Variants in DCC observed in about 807,000 individuals in gnomAD.
The protein encoded by DCC is netrin receptor DCC.
Under a neutral mutation model 172.5 loss-of-function variants are expected in DCC, and 58 were observed. That is an observed-to-expected ratio of 0.34 (90% CI 0.27 to 0.42). The LOEUF (loss-of-function observed/expected upper bound fraction) is 0.42. DCC is among the 10% of genes least tolerant of loss of function. DCC has a pLI of 1.00. For synonymous variants in DCC, 709 were observed against 644.5 expected, an observed-to-expected ratio of 1.10 and a Z score of -1.52; for missense variants, 1,740 against 1,791.0, an observed-to-expected ratio of 0.97 and a Z score of 0.51.
chr18:53,065,938 T>A lies in DCC; in HGVS notation c.1141-108T>A, dbSNP rs73465120. The A allele has an allele frequency of 4.4e-4, 610 of 1,370,984 alleles. 5 individuals are homozygous for A. The African/African-American group carries it at 7.6e-3, about 17-fold the overall frequency. The allele number at this position is 1,370,984 out of a possible 1,614,324, so 84.9% of individuals were successfully genotyped here. ...CTGAGACCCCTCATGGCCTCTCCTC[T>A]TGTTTCTTCTGTGCTGTTTTATCAA... On this transcript the variant is annotated intron_variant, in intron 6 of 28. Transcript: ENST00000442544.
At chr18:53,331,804 T>C (rs982734316) in intron 14 of DCC, among the ~76,000 whole-genome samples, 2 of 152,192 alleles carry the variant, frequency 1.3e-5, no homozygotes, top group African/African-American at 4.8e-5. Flanking sequence ...GGAATTGGGA[T>C]TCTGCAGCTT....
chr18:53,462,428 C>G, intron 24 of DCC, among the ~76,000 whole-genome samples: 1 of 151,760 alleles, frequency 6.6e-6, no homozygotes, highest in East Asian at 1.9e-4. Flanking sequence ...CTGCACGCTC[C>G]TTATAAGAAT....
intron 7 of DCC, among the ~76,000 whole-genome samples, chr18:53,138,269 T>C (rs750057689): frequency 1.7e-4 from 26 of 152,202 alleles, no homozygotes; most frequent in Non-Finnish European, 2.9e-4. Flanking sequence ...TCTAATGCTG[T>C]CAATTTCCAT....
intron 24 of DCC, among the ~76,000 whole-genome samples, chr18:53,459,908 T>C (rs1462969505): frequency 6.6e-6 from 1 of 151,992 alleles, no homozygotes; most frequent in Non-Finnish European, 1.5e-5. Flanking sequence ...ATCAGGGCAC[T>C]TGAAGTACAA....
intron 12 of DCC, among the ~76,000 whole-genome samples, chr18:53,295,550 C>T (rs16956514): frequency 7.5e-6 from 1 of 134,056 alleles, no homozygotes; most frequent in Non-Finnish European, 1.8e-5. Context: ...TAGATAGATA[C>T]TGTAAGTTAA....
chr18:53,267,734 A>G (rs1000838188), intron 12 of DCC, among the ~76,000 whole-genome samples: 1 of 151,814 alleles, frequency 6.6e-6, no homozygotes, highest in African/African-American at 2.4e-5. Context: ...CCCAAATGCT[A>G]GGATTAAAGG....
intron 1 of DCC, among the ~76,000 whole-genome samples, chr18:52,651,086 G>T (rs568625366): frequency 2.4e-4 from 37 of 152,134 alleles, no homozygotes; most frequent in African/African-American, 6.7e-4. Flanking sequence ...CTGACTTCAG[G>T]CAACCACTGT....
At chr18:52,979,493 AACTC>A in intron 5 of DCC, among the ~76,000 whole-genome samples, 1 of 152,200 alleles carries the variant, frequency 6.6e-6, no homozygotes, top group Non-Finnish European at 1.5e-5. Flanking sequence ...GGATGTTGCT[AACTC>A]ACTCAGGTTG....
At chr18:53,337,931 C>T (rs1158897637) in intron 14 of DCC, among the ~76,000 whole-genome samples, 2 of 152,128 alleles carry the variant, frequency 1.3e-5, no homozygotes, top group Non-Finnish European at 2.9e-5. Context: ...TTTTCTAAAT[C>T]ACTGGACACA....
At chr18:53,338,164 C>A (rs902536624) in intron 14 of DCC, among the ~76,000 whole-genome samples, 3 of 152,188 alleles carry the variant, frequency 2.0e-5, no homozygotes, top group Non-Finnish European at 4.4e-5. Flanking sequence ...CATAATCTAT[C>A]GTAGCTGCCT....
chr18:52,545,741 A>G (rs1443505045), intron 1 of DCC, among the ~76,000 whole-genome samples: 3 of 152,190 alleles, frequency 2.0e-5, no homozygotes, highest in Non-Finnish European at 2.9e-5. Context: ...TCATATCTTG[A>G]GACCAGGGGT....
At chr18:52,869,806 C>G (rs908627857) in intron 2 of DCC, among the ~76,000 whole-genome samples, 7 of 152,178 alleles carry the variant, frequency 4.6e-5, no homozygotes, top group Non-Finnish European at 7.3e-5. Context: ...CAACCCTGTT[C>G]CAATATTGCA....
At chr18:53,083,765 C>T (rs2042838434) in intron 7 of DCC, among the ~76,000 whole-genome samples, 1 of 152,084 alleles carries the variant, frequency 6.6e-6, no homozygotes, top group African/African-American at 2.4e-5. Context: ...TATCAAATTT[C>T]CTTACTATGT....
intron 5 of DCC, among the ~76,000 whole-genome samples, chr18:52,957,786 G>A (rs1598969738): frequency 6.6e-6 from 1 of 152,134 alleles, no homozygotes; most frequent in South Asian, 2.1e-4. Flanking sequence ...TCAATAGGAT[G>A]TGAGAGTGGT....
chr18:52,781,070 A>C (rs9950558), intron 2 of DCC, among the ~76,000 whole-genome samples: 8,045 of 152,192 alleles, frequency 0.053, 288 homozygotes, highest in South Asian at 0.16. Flanking sequence ...GAAAGTGTCT[A>C]TTTTTATGTT....
intron 1 of DCC, among the ~76,000 whole-genome samples, chr18:52,493,388 T>TA (rs1214217145): frequency 2.6e-5 from 4 of 152,022 alleles, no homozygotes; most frequent in African/African-American, 7.2e-5. Flanking sequence ...CAAGAAAAAT[T>TA]AAAAAACCCA....
intron 1 of DCC, among the ~76,000 whole-genome samples, chr18:52,358,196 A>C (rs1984462643): frequency 6.6e-6 from 1 of 152,208 alleles, no homozygotes; most frequent in African/African-American, 2.4e-5. Flanking sequence ...AAAATAAAGA[A>C]AGTGTGTGAA....
At chr18:53,097,703 C>T (rs912436799) in intron 7 of DCC, among the ~76,000 whole-genome samples, 3 of 152,106 alleles carry the variant, frequency 2.0e-5, no homozygotes, top group African/African-American at 7.2e-5. Flanking sequence ...GTTAGAAGTC[C>T]ATGATTAATA....
chr18:52,348,042 T>C (rs1288821409), intron 1 of DCC, among the ~76,000 whole-genome samples: 9 of 152,188 alleles, frequency 5.9e-5, no homozygotes. Flanking sequence ...TTTAACATGT[T>C]ACTTTACTTG....
Sources: allele counts gnomAD v4.1 joint callset (sites outside exome capture counted in the v4.1 genomes callset), GRCh38; gene constraint gnomAD v4.1.1; transcripts MANE v1.5; gene names NCBI Gene and HGNC (gene_info 2026-07-23, HGNC 2026-07-21).